Variants in BEND7 observed in about 807,000 individuals in gnomAD.
BEND7 encodes the protein BEN domain containing 7.
Under a neutral mutation model 50.9 loss-of-function variants are expected in BEND7, and 28 were observed. The ratio of observed to expected loss-of-function variants is 0.55; its 90% confidence interval spans 0.41 to 0.75. The LOEUF is 0.75. BEND7 is among the 30% of genes least tolerant of loss of function. The pLI, the probability that BEND7 is intolerant of heterozygous loss-of-function variation, is 0.00. For missense variants in BEND7, 477 were observed against 491.3 expected, an observed-to-expected ratio of 0.97 and a Z score of 0.28; for synonymous variants, 170 against 183.9, an observed-to-expected ratio of 0.92 and a Z score of 0.61.
Position 13,455,066 on chromosome 10 carries a change from G to T in BEND7, c.1064-2408C>A, listed in dbSNP as rs190100650. Among the ~76,000 whole-genome samples the T allele has an allele frequency of 7.4e-4, 113 of 152,252 alleles. 2 individuals carry two copies. The highest frequency in any genetic ancestry group is 2.7e-3 in the African/African-American group (111 of 41,558). On this transcript the variant is annotated intron_variant, in intron 6 of 8. Coordinates refer to ENST00000466271, the MANE Select transcript of BEND7 (RefSeq NM_001369863.1). ...ACGCGCCTGCAGTCCCAGCTACTCA[G>T]AAGGCAGAGGTAGGAGAATCGCTTG...
intron 4 of BEND7, among the ~76,000 whole-genome samples, chr10:13,495,663 A>G (rs967942451): frequency 4.6e-5 from 7 of 152,240 alleles, no homozygotes; most frequent in Non-Finnish European, 5.9e-5. Context: ...ACTCCATCTC[A>G]AATAAAAAGA....
rs2076409035 is a variant in BEND7 at position 13,488,532 on chromosome 10, G to C, written c.837+4079C>G. Among the ~76,000 whole-genome samples, 5 of 152,216 alleles carry C rather than the reference G, an allele frequency of 3.3e-5. No individual in the cohort carries two copies. The South Asian group carries it at 1.0e-3, about 32-fold the overall frequency. ...GAGATGGAGTCTTGCTCTGTCGCCA[G>C]GCTGGAGTGCAGCGGTGCAATCTCA... On this transcript the variant is annotated intron_variant, in intron 5 of 8. Coordinates refer to ENST00000466271, the MANE Select transcript of BEND7 (RefSeq NM_001369863.1).
chr10:13,507,873 C>A (rs1312666476), intron 2 of BEND7, among the ~76,000 whole-genome samples: 1 of 152,046 alleles, frequency 6.6e-6, no homozygotes, highest in African/African-American at 2.4e-5. Context: ...TTTTAGGGGG[C>A]AGGTAATGGC....
At chr10:13,525,396 T>C (rs2079385136) in intron 2 of BEND7, among the ~76,000 whole-genome samples, 1 of 152,250 alleles carries the variant, frequency 6.6e-6, no homozygotes, top group Admixed American at 6.5e-5. Flanking sequence ...ATCATGCAGC[T>C]ACACTTGCTG....
At chr10:13,461,500 C>T (rs35586954) in intron 6 of BEND7, among the ~76,000 whole-genome samples, 14,572 of 152,198 alleles carry the variant, frequency 0.096, 729 homozygotes, top group Admixed American at 0.13. Context: ...TGGGAGGCCG[C>T]GGCGGGCAGA....
At chr10:13,516,454 G>C (rs902198107) in intron 2 of BEND7, among the ~76,000 whole-genome samples, 2 of 152,320 alleles carry the variant, frequency 1.3e-5, no homozygotes, top group African/African-American at 4.8e-5. Flanking sequence ...GGCTGGGCGC[G>C]GTGGCTCACG....
chr10:13,477,265 T>C (rs960917459), intron 6 of BEND7, among the ~76,000 whole-genome samples: 1 of 152,228 alleles, frequency 6.6e-6, no homozygotes, highest in Non-Finnish European at 1.5e-5. Flanking sequence ...TGTTCCTAGA[T>C]AATAGGACTT....
At chr10:13,443,885 G>A (rs534022211) in intron 8 of BEND7, 1 of 152,226 alleles carries the variant, frequency 6.6e-6, no homozygotes, top group South Asian at 2.1e-4. Flanking sequence ...ATCCAATAAT[G>A]GTTGTCTGTG....
intron 6 of BEND7, among the ~76,000 whole-genome samples, chr10:13,464,385 T>C (rs1208096104): frequency 6.6e-6 from 1 of 152,204 alleles, no homozygotes; most frequent in Non-Finnish European, 1.5e-5. Context: ...AAAAAGGACA[T>C]GTGAAACACA....
At chr10:13,470,136 G>A (rs2074663026) in intron 6 of BEND7, among the ~76,000 whole-genome samples, 1 of 152,190 alleles carries the variant, frequency 6.6e-6, no homozygotes. Flanking sequence ...TCTCTGATGA[G>A]CCACACAATT....
chr10:13,474,272 G>A (rs1229160293), intron 6 of BEND7, among the ~76,000 whole-genome samples: 2 of 152,050 alleles, frequency 1.3e-5, no homozygotes, highest in African/African-American at 2.4e-5. Flanking sequence ...CGTTGGACTC[G>A]GGGCTGATAC....
chr10:13,524,384 T>C (rs1050058877), intron 2 of BEND7, among the ~76,000 whole-genome samples: 2 of 152,196 alleles, frequency 1.3e-5, no homozygotes, highest in African/African-American at 4.8e-5. Context: ...GGCTCACGCC[T>C]GTAATCCCAG....
intron 6 of BEND7, among the ~76,000 whole-genome samples, chr10:13,473,662 A>C (rs958760472): frequency 6.7e-6 from 1 of 149,432 alleles, no homozygotes; most frequent in Non-Finnish European, 1.5e-5. Flanking sequence ...TGGGGCTGGT[A>C]TCCATCATCG....
At chr10:13,492,139 C>T (rs1034185524) in intron 5 of BEND7, among the ~76,000 whole-genome samples, 4 of 152,128 alleles carry the variant, frequency 2.6e-5, no homozygotes, top group Admixed American at 6.5e-5. Flanking sequence ...AATGGCATGG[C>T]GCTGCCACCT....
chr10:13,461,577 AC>A (rs938895020), intron 6 of BEND7, among the ~76,000 whole-genome samples: 1 of 152,164 alleles, frequency 6.6e-6, no homozygotes, highest in African/African-American at 2.4e-5. Context: ...TACCAAAAAT[AC>A]AAAAATTAGC....
In BEND7 at chr10:13,496,722, G is replaced by A. The variant is rs750305082; in HGVS notation, c.571+44C>T. ...CATTCCAACGGAAGATGTCAGATAT[G>A]CATTAAAAATCAAAGGACTCATTCC... On this transcript the variant is annotated intron_variant, in intron 4 of 8. Coordinates refer to ENST00000466271, the MANE Select transcript of BEND7 (RefSeq NM_001369863.1). 3.1e-6 allele frequency: 5 copies of A among 1,589,142 alleles called. No individual in the cohort carries two copies. In the East Asian group the frequency reaches 1.1e-4, roughly 36 times the overall value.
At chr10:13,456,072 C>G (rs1336595728) in intron 6 of BEND7, among the ~76,000 whole-genome samples, 1 of 152,068 alleles carries the variant, frequency 6.6e-6, no homozygotes, top group South Asian at 2.1e-4. Context: ...GATATAAGCC[C>G]GTGAAGATGC....
rs777678591 is a variant in BEND7 at position 13,506,643 on chromosome 10, TG to T, written c.146-6564del. Among the ~76,000 whole-genome samples, 178 of 152,316 alleles carry T rather than the reference TG, an allele frequency of 1.2e-3. 2 individuals are homozygous for T. Among genetic ancestry groups the T allele is most frequent in the Non-Finnish European group, 1.2e-3 (80 of 68,034 alleles). On this transcript the variant is annotated intron_variant, in intron 2 of 8. Transcript: ENST00000466271. ...GATATATCCTACACAAAAACAATTC[TG>T]GCAAAATTATGGTGAAACCGGTATG...
At chr10:13,449,550 T>C (rs1445469337) in intron 7 of BEND7, among the ~76,000 whole-genome samples, 1 of 152,216 alleles carries the variant, frequency 6.6e-6, no homozygotes. Flanking sequence ...TTGCTATTAA[T>C]AGTCCAAACA....
Sources: gnomAD v4.1 joint callset for allele counts (sites outside exome capture counted in the v4.1 genomes callset) on GRCh38, gnomAD v4.1.1 for gene constraint, MANE v1.5 for transcripts, NCBI Gene and HGNC (gene_info 2026-07-23, HGNC 2026-07-21) for gene names.